Variants in GRID2 observed in about 807,000 individuals in gnomAD.
GRID2 encodes the protein glutamate receptor ionotropic, delta-2.
GRID2 carries 33 observed loss-of-function variants against 114.8 expected under a neutral mutation model. The observed-to-expected ratio is 0.29, with a 90% CI of 0.22 to 0.38. The LOEUF (loss-of-function observed/expected upper bound fraction) is 0.38, where lower values mean the gene tolerates loss of function less well. Ranked by LOEUF, GRID2 falls within the 10% of genes least tolerant of loss-of-function variation. GRID2 has a pLI of 1.00. For synonymous variants in GRID2, 505 were observed against 449.9 expected, an observed-to-expected ratio of 1.12 and a Z score of -1.55; for missense variants, 1,184 against 1,257.7, an observed-to-expected ratio of 0.94 and a Z score of 0.89.
intron 1 of GRID2, among the ~76,000 whole-genome samples, chr4:92,481,232 C>A (rs1722572755): frequency 6.6e-6 from 1 of 152,034 alleles, no homozygotes; most frequent in South Asian, 2.1e-4. Flanking sequence ...CCTTTATAGG[C>A]TTCTAATTTT....
intron 14 of GRID2, among the ~76,000 whole-genome samples, chr4:93,738,800 A>G (rs113363503): frequency 5.9e-5 from 9 of 152,238 alleles, no homozygotes; most frequent in African/African-American, 2.2e-4. Flanking sequence ...AAAGATTATT[A>G]TAATATGATT....
intron 2 of GRID2, among the ~76,000 whole-genome samples, chr4:92,622,368 C>T (rs1730315478): frequency 6.6e-6 from 1 of 151,592 alleles, no homozygotes; most frequent in South Asian, 2.1e-4. Flanking sequence ...GTGAATGAGT[C>T]TTCAGAAAGA....
intron 2 of GRID2, among the ~76,000 whole-genome samples, chr4:93,068,310 T>C (rs1697530619): frequency 6.6e-6 from 1 of 152,084 alleles, no homozygotes; most frequent in South Asian, 2.1e-4. Context: ...CAATGGTCAC[T>C]GTGTACAAGT....
intron 1 of GRID2, among the ~76,000 whole-genome samples, chr4:92,330,940 T>G (rs1474147981): frequency 1.3e-5 from 2 of 152,292 alleles, no homozygotes; most frequent in East Asian, 1.9e-4. Flanking sequence ...TTTAAAAGTA[T>G]GCACTGGAAT....
intron 1 of GRID2, among the ~76,000 whole-genome samples, chr4:92,498,051 C>T (rs1041478492): frequency 4.0e-5 from 6 of 151,660 alleles, no homozygotes; most frequent in African/African-American, 1.5e-4. Context: ...AAAAATACTT[C>T]ATTGCTCAAA....
chr4:93,522,181 T>C (rs139370007), intron 13 of GRID2, among the ~76,000 whole-genome samples: 3 of 152,238 alleles, frequency 2.0e-5, no homozygotes, highest in Non-Finnish European at 2.9e-5. Context: ...AGTTAGAAGA[T>C]GTGGTGGTGG....
chr4:93,172,911 CT>C (rs544933733), intron 4 of GRID2, among the ~76,000 whole-genome samples: 114 of 145,738 alleles, frequency 7.8e-4, no homozygotes, highest in Middle Eastern at 3.6e-3. Flanking sequence ...ACATCTTAAA[CT>C]TTTTTTTTTT....
intron 6 of GRID2, among the ~76,000 whole-genome samples, chr4:93,224,235 C>T (rs1745221331): frequency 2.6e-5 from 4 of 152,096 alleles, no homozygotes; most frequent in Admixed American, 2.6e-4. Context: ...TTAACATATT[C>T]AGAAAATGTA....
At chr4:93,220,994 G>A (rs1487081596) in intron 6 of GRID2, among the ~76,000 whole-genome samples, 1 of 152,234 alleles carries the variant, frequency 6.6e-6, no homozygotes, top group East Asian at 1.9e-4. Flanking sequence ...CACAGATAAA[G>A]TATAGGTTCA....
At chr4:93,230,585 T>A (rs1746014643) in intron 7 of GRID2, among the ~76,000 whole-genome samples, 1 of 152,148 alleles carries the variant, frequency 6.6e-6, no homozygotes, top group Non-Finnish European at 1.5e-5. Context: ...TTTTATTCTA[T>A]TTTTAGGTGT....
chr4:93,246,519 A>G (rs1748224721), intron 8 of GRID2, among the ~76,000 whole-genome samples: 1 of 151,458 alleles, frequency 6.6e-6, no homozygotes, highest in African/African-American at 2.4e-5. Context: ...CCTGGGAGGC[A>G]GAGCTTGCAG....
chr4:92,944,883 A>G (rs940457657), intron 2 of GRID2, among the ~76,000 whole-genome samples: 1 of 152,146 alleles, frequency 6.6e-6, no homozygotes. Context: ...TTTTAAATGT[A>G]TAGCTTCTAA....
At chr4:92,571,454 G>A (rs541154078) in intron 1 of GRID2, among the ~76,000 whole-genome samples, 7 of 152,012 alleles carry the variant, frequency 4.6e-5, no homozygotes, top group Admixed American at 6.6e-5. Context: ...ACACCCCACT[G>A]TCAACATTAG....
chr4:92,640,819 T>G (rs1447483404), intron 2 of GRID2, among the ~76,000 whole-genome samples: 1 of 151,612 alleles, frequency 6.6e-6, no homozygotes, highest in African/African-American at 2.4e-5. Flanking sequence ...AATTCTCATA[T>G]AAAATAAAAA....
chr4:93,082,116 G>A (rs1199478449), intron 2 of GRID2, among the ~76,000 whole-genome samples: 2 of 152,178 alleles, frequency 1.3e-5, no homozygotes, highest in Non-Finnish European at 2.9e-5. Context: ...GCAGGTTGCT[G>A]TGGAGGCCCG....
chr4:92,636,268 C>G (rs1190352066), intron 2 of GRID2, among the ~76,000 whole-genome samples: 1 of 151,668 alleles, frequency 6.6e-6, no homozygotes, highest in Non-Finnish European at 1.5e-5. Context: ...TCTGTTCATT[C>G]CTCTGTCGCA....
chr4:92,399,747 CAT>C (rs563262987), intron 1 of GRID2, among the ~76,000 whole-genome samples: 93 of 150,596 alleles, frequency 6.2e-4, no homozygotes, highest in African/African-American at 1.8e-3. Flanking sequence ...GTAGGCAAAA[CAT>C]ATTATTTTAT....
chr4:93,087,017 G>GATGTATTT (rs1730386061), intron 3 of GRID2, among the ~76,000 whole-genome samples: 1 of 147,520 alleles, frequency 6.8e-6, no homozygotes, highest in African/African-American at 2.5e-5. Flanking sequence ...CTATGAAAGT[G>GATGTATTT]ATTTATTTAT....
chr4:93,476,736 A>C (rs1185508409), intron 11 of GRID2, among the ~76,000 whole-genome samples: 1 of 152,126 alleles, frequency 6.6e-6, no homozygotes, highest in Non-Finnish European at 1.5e-5. Flanking sequence ...GAAACAATAC[A>C]TGTGATGGGA....
Sources: gnomAD v4.1 joint callset for allele counts (sites outside exome capture counted in the v4.1 genomes callset) on GRCh38, gnomAD v4.1.1 for gene constraint, MANE v1.5 for transcripts, NCBI Gene and HGNC (gene_info 2026-07-23, HGNC 2026-07-21) for gene names.